CNGA1: variants seen among roughly 807,000 people sequenced by gnomAD.
CNGA1 encodes cyclic nucleotide gated channel subunit alpha 1.
A neutral mutation model predicts 69.7 loss-of-function variants in CNGA1; 53 were observed. The ratio of observed to expected loss-of-function variants is 0.76; its 90% CI spans 0.61 to 0.96. The LOEUF is 0.96. Among genes scored for constraint, CNGA1 ranks in the 40% least tolerant of loss-of-function variants. The probability of loss-of-function intolerance (pLI) is 0.00; values close to 1 mark genes in which losing one functional copy is unlikely to be tolerated. For synonymous variants in CNGA1, 249 were observed against 283.5 expected (o/e 0.88, Z 1.22); for missense variants, 739 against 811.2 (o/e 0.91, Z 1.08).
At chr4:48,000,232 T>C (rs964764953) in intron 2 of CNGA1, among the ~76,000 whole-genome samples, 1 of 152,098 alleles carries the variant, frequency 6.6e-6, no homozygotes, top group Non-Finnish European at 1.5e-5. Context: ...AACAAATATT[T>C]GAAGAAATAA....
At chr4:47,957,548 A>C (rs1272288243) in intron 3 of CNGA1, among the ~76,000 whole-genome samples, 2 of 152,110 alleles carry the variant, frequency 1.3e-5, no homozygotes, top group Non-Finnish European at 2.9e-5. Flanking sequence ...TGAGCTTTGG[A>C]GGTTGAGGCT....
chr4:48,005,977 G>T (rs1560315283), intron 2 of CNGA1, among the ~76,000 whole-genome samples: 1 of 152,156 alleles, frequency 6.6e-6, no homozygotes, highest in African/African-American at 2.4e-5. Flanking sequence ...TTATTCATAG[G>T]AGTATACTTA....
chr4:47,973,842 T>C (rs1741178063), intron 3 of CNGA1, among the ~76,000 whole-genome samples: 1 of 152,188 alleles, frequency 6.6e-6, no homozygotes, highest in Non-Finnish European at 1.5e-5. Context: ...TCAATATTTT[T>C]TCTCATATTC....
At chr4:48,001,649 A>T (rs545304852) in intron 2 of CNGA1, among the ~76,000 whole-genome samples, 14 of 152,218 alleles carry the variant, frequency 9.2e-5, no homozygotes, top group Non-Finnish European at 1.6e-4. Context: ...ACAAATTTAA[A>T]AATTGGCAAT....
rs76126057 is a variant in CNGA1, at chr4:47,978,790, C to G, written c.-15+2603G>C. Among the ~76,000 whole-genome samples the G allele has an allele frequency of 2.2e-4, 34 of 152,116 alleles. No homozygotes were observed. The East Asian group carries it at 6.2e-3, about 28-fold the overall frequency. On this transcript the variant is annotated intron_variant, in intron 3 of 10. Coordinates refer to ENST00000514170, the MANE Select transcript of CNGA1 (RefSeq NM_001379270.1). ...TCTCTAGAATTTCTCCTATTTTGCC[C>G]ATTAATTTCAGATAAATTTTTCTTA...
chr4:47,945,836 T>A (rs1739364550), intron 6 of CNGA1, among the ~76,000 whole-genome samples: 1 of 152,184 alleles, frequency 6.6e-6, no homozygotes, highest in African/African-American at 2.4e-5. Flanking sequence ...TCCTAGTGGA[T>A]GGCAGAGAGA....
rs794727950 is a variant in CNGA1, at chr4:47,942,154, G to C, written c.438-6C>G. The C allele has an allele frequency of 1.9e-6, 3 of 1,572,136 alleles. No homozygotes were observed. The highest frequency in any genetic ancestry group is 2.6e-6 in the Non-Finnish European group (3 of 1,142,088). ...CCACAACTTCTTTCTTCTCCCTAGCGGCAATTAGAAATAAAGGGGATAGTT... is the reference window on the plus strand; with the variant it reads ...CCACAACTTCTTTCTTCTCCCTAGCCGCAATTAGAAATAAAGGGGATAGTT... On this transcript the variant is annotated splice_polypyrimidine_tract_variant and splice_region_variant and intron_variant, in intron 8 of 10. Transcript: ENST00000514170.
At chr4:48,000,235 A>T (rs964498914) in intron 2 of CNGA1, among the ~76,000 whole-genome samples, 17 of 152,232 alleles carry the variant, frequency 1.1e-4, no homozygotes, top group African/African-American at 4.1e-4. Flanking sequence ...AAATATTTGA[A>T]GAAATAATGT....
chr4:47,998,006 G>A (rs1161789750), intron 2 of CNGA1, among the ~76,000 whole-genome samples: 2 of 152,184 alleles, frequency 1.3e-5, no homozygotes, highest in Non-Finnish European at 2.9e-5. Flanking sequence ...TCTGTATACT[G>A]TAGTCTAAGT....
chr4:48,005,753 AT>A (rs1367874371), intron 2 of CNGA1, among the ~76,000 whole-genome samples: 1 of 152,228 alleles, frequency 6.6e-6, no homozygotes, highest in Non-Finnish European at 1.5e-5. Flanking sequence ...TATTGATTCC[AT>A]AAGCCAAGTT....
intron 2 of CNGA1, among the ~76,000 whole-genome samples, chr4:48,008,227 T>C (rs1025419965): frequency 2.0e-5 from 3 of 152,180 alleles, no homozygotes; most frequent in African/African-American, 7.2e-5. Context: ...CCCAGACCAT[T>C]CATGACATGC....
chr4:47,990,900 G>A (rs539495931), intron 2 of CNGA1, among the ~76,000 whole-genome samples: 3 of 152,178 alleles, frequency 2.0e-5, no homozygotes, highest in Admixed American at 1.3e-4. Flanking sequence ...ACAATATTTG[G>A]TTTCCCATTC....
rs79449475 is a variant in CNGA1 at position 48,016,405 on chromosome 4, G to C, written c.-223+78C>G. On this transcript the variant is annotated intron_variant, in intron 1 of 10. Coordinates refer to ENST00000514170, the MANE Select transcript of CNGA1 (RefSeq NM_001379270.1). ...CAAAAGCAGCAGGGCTCTCTCTAGC[G>C]GGGGAGCCTTTTCGACCAGAGAGGA... is the stretch of plus-strand genomic sequence containing the variant. 3.4e-3 allele frequency: 649 copies of C among 192,486 alleles called. 7 individuals carry two copies. Among genetic ancestry groups the C allele is most frequent in the African/African-American group, 0.015 (633 of 42,394 alleles). The allele number at this position is 192,486 out of a possible 1,614,324, so 11.9% of individuals were successfully genotyped here.
intron 3 of CNGA1, among the ~76,000 whole-genome samples, chr4:47,954,971 C>T (rs1055494683): frequency 2.0e-5 from 3 of 152,126 alleles, no homozygotes; most frequent in Admixed American, 6.5e-5. Flanking sequence ...TATAGCTAGA[C>T]CAGTTGTTTA....
At chr4:48,000,606 G>A (rs1714626042) in intron 2 of CNGA1, among the ~76,000 whole-genome samples, 1 of 152,080 alleles carries the variant, frequency 6.6e-6, no homozygotes, top group Admixed American at 6.6e-5. Context: ...GACCTCAGGT[G>A]ATCTGCCCAC....
chr4:48,014,383 AT>A (rs535949574), intron 1 of CNGA1, among the ~76,000 whole-genome samples: 9 of 151,334 alleles, frequency 5.9e-5, no homozygotes, highest in Admixed American at 1.3e-4. Context: ...GAGTTTAAAT[AT>A]TTTTTTTCTG....
chr4:47,961,355 T>C (rs571276698), intron 3 of CNGA1, among the ~76,000 whole-genome samples: 2 of 152,186 alleles, frequency 1.3e-5, no homozygotes, highest in South Asian at 4.2e-4. Context: ...AAGGTTGGGG[T>C]TGGGGGCTGT....
At chr4:47,980,056 G>T (rs1741617023) in intron 3 of CNGA1, among the ~76,000 whole-genome samples, 1 of 152,300 alleles carries the variant, frequency 6.6e-6, no homozygotes, top group Non-Finnish European at 1.5e-5. Context: ...AGAAAAGAGG[G>T]CGTATTCTCT....
intron 2 of CNGA1, among the ~76,000 whole-genome samples, chr4:48,009,962 CATATT>C (rs1022552727): frequency 1.3e-5 from 2 of 152,070 alleles, no homozygotes; most frequent in Admixed American, 6.6e-5. Flanking sequence ...AATACATAGA[CATATT>C]AGGCATGCCG....
Sources: gnomAD v4.1 joint callset for allele counts (sites outside exome capture counted in the v4.1 genomes callset) on GRCh38, gnomAD v4.1.1 for gene constraint, MANE v1.5 for transcripts, NCBI Gene and HGNC (gene_info 2026-07-23, HGNC 2026-07-21) for gene names.